AAR2: variants seen among roughly 807,000 people sequenced by gnomAD.
The protein encoded by AAR2 is protein AAR2 homolog.
Under a neutral mutation model 26.9 loss-of-function variants are expected in AAR2, and 31 were observed. The ratio of observed to expected loss-of-function variants is 1.15; its 90% confidence interval spans 0.86 to 1.55. The LOEUF is 1.55. AAR2 is among the 40% of genes most tolerant of loss of function. AAR2 has a pLI of 0.00. For synonymous variants in AAR2, 188 were observed against 196.1 expected (o/e 0.96, Z 0.34); for missense variants, 430 against 491.3 (o/e 0.88, Z 1.18).
intron 3 of AAR2, among the ~76,000 whole-genome samples, chr20:36,253,936 G>T (rs2064799817): frequency 6.6e-6 from 1 of 152,202 alleles, no homozygotes; most frequent in Non-Finnish European, 1.5e-5. Flanking sequence ...AACACACAGA[G>T]AAAATAACAG....
intron 3 of AAR2, 101 bp downstream of exon 3, chr20:36,245,027 T>A: frequency 9.6e-7 from 1 of 1,046,948 alleles, no homozygotes; most frequent in South Asian, 1.5e-5. Flanking sequence ...CCAAAATTTT[T>A]AAATTTCAGT....
intron 3 of AAR2, among the ~76,000 whole-genome samples, chr20:36,255,059 C>T (rs2064808325): frequency 6.6e-6 from 1 of 152,146 alleles, no homozygotes; most frequent in Non-Finnish European, 1.5e-5. Flanking sequence ...GAATGTAAGT[C>T]AGGGTCCATC....
chr20:36,246,612 G>A (rs192155015), intron 3 of AAR2, among the ~76,000 whole-genome samples: 1 of 152,332 alleles, frequency 6.6e-6, no homozygotes, highest in African/African-American at 2.4e-5. Context: ...GCACGTTGAT[G>A]CGTCGCACAG....
At chr20:36,241,345 G>A (rs1040219109) in intron 2 of AAR2, among the ~76,000 whole-genome samples, 1 of 152,202 alleles carries the variant, frequency 6.6e-6, no homozygotes, top group African/African-American at 2.4e-5. Context: ...AAACAGGATT[G>A]AAGTATATTA....
intron 3 of AAR2, among the ~76,000 whole-genome samples, chr20:36,251,791 G>T (rs1197214750): frequency 6.6e-6 from 1 of 152,216 alleles, no homozygotes; most frequent in Non-Finnish European, 1.5e-5. Flanking sequence ...GAAGGTGTCT[G>T]TTTTACCTGC....
In AAR2 at chr20:36,244,744, G is replaced by A. The variant is rs150912491; in HGVS notation, c.805G>A (p.Glu269Lys). ...GTGCTTCCTGCTGGGGAATGTGTAC[G>A]AGGCATTTGAGCATTGGAAGCGGCT... ...FVCFLLGNVY[E>K]AFEHWKRLLN... is the part of the protein sequence containing the mutation. Residue 269 changes from glutamate to lysine, a missense_variant, in exon 3 of 4, where the codon GAG becomes AAG. Coordinates refer to ENST00000320849, the MANE Select transcript of AAR2 (RefSeq NM_001271874.2). The A allele has an allele frequency of 9.3e-5, 150 of 1,614,116 alleles. 1 individual carries two copies. The East Asian group carries it at 2.1e-3, about 22-fold the overall frequency.
chr20:36,255,592 T>C lies in AAR2; in HGVS notation c.1002T>C (p.Ser334=). ...GTTCTCTGTAGGTTTTCTTTTCCTC[T>C]GCCTGCAGCATTGCCGTGGATGCCA... ...LTSTLQVFFS[S]ACSIAVDATL... Residue 334 remains serine, a synonymous_variant, in exon 4 of 4, where the codon TCT becomes TCC. Transcript: ENST00000320849. The C allele has an allele frequency of 6.2e-7, 1 of 1,614,238 alleles. No homozygotes were observed.
intron 3 of AAR2, among the ~76,000 whole-genome samples, chr20:36,254,509 C>A (rs2064804094): frequency 6.7e-6 from 1 of 149,056 alleles, no homozygotes; most frequent in Non-Finnish European, 1.5e-5. Flanking sequence ...TTGCCAGGGC[C>A]TGGAGGGAAG....
chr20:36,239,921 G>T lies in AAR2; in HGVS notation c.53G>T (p.Gly18Val). Reference sequence around the variant, plus strand: ...CTAGCCAAGCGCCTCTTCTTTGAAGGGGCCACTGTGGTCATCCTGAACATG... The same window carrying T: ...CTAGCCAAGCGCCTCTTCTTTGAAGTGGCCACTGTGGTCATCCTGAACATG... ...PELAKRLFFE[G>V]ATVVILNMPK... The change falls in exon 2 of 4, where the codon GGG becomes GTG. Residue 18 changes from glycine (G) to valine (V), a missense_variant. By Grantham distance (109) the Gly-to-Val change is moderately radical. Transcript: ENST00000320849. The T allele has an allele frequency of 6.2e-7, 1 of 1,611,192 alleles. No homozygotes were observed. Among genetic ancestry groups the T allele is most frequent in the Non-Finnish European group, 8.5e-7 (1 of 1,177,624 alleles).
intron 1 of AAR2, among the ~76,000 whole-genome samples, chr20:36,237,013 A>T (rs1482407618): frequency 1.3e-5 from 2 of 152,208 alleles, no homozygotes; most frequent in African/African-American, 4.8e-5. Flanking sequence ...ACCTAGCCCC[A>T]GGGCAAGGAA....
chr20:36,249,179 A>G (rs1036219167), intron 3 of AAR2, among the ~76,000 whole-genome samples: 8 of 152,200 alleles, frequency 5.3e-5, no homozygotes, highest in African/African-American at 1.7e-4. Context: ...TCTCTTAGCC[A>G]TTAATTTTTT....
At chr20:36,242,459 C>T (rs1303369753) in intron 2 of AAR2, among the ~76,000 whole-genome samples, 7 of 151,882 alleles carry the variant, frequency 4.6e-5, no homozygotes, top group Admixed American at 2.6e-4. Flanking sequence ...GGTGTGAGTT[C>T]GGCTCACTGC....
intron 3 of AAR2, among the ~76,000 whole-genome samples, chr20:36,248,212 G>A (rs552147550): frequency 3.9e-5 from 6 of 151,946 alleles, no homozygotes; most frequent in Non-Finnish European, 4.4e-5. Flanking sequence ...TGAACTTGTC[G>A]CTATTATATT....
intron 3 of AAR2, among the ~76,000 whole-genome samples, chr20:36,245,236 A>G (rs960176049): frequency 6.6e-6 from 1 of 152,170 alleles, no homozygotes; most frequent in African/African-American, 2.4e-5. Flanking sequence ...CCCTGTAGCC[A>G]TGAATTGCTA....
chr20:36,252,261 A>T (rs2064785755), intron 3 of AAR2, among the ~76,000 whole-genome samples: 1 of 152,212 alleles, frequency 6.6e-6, no homozygotes, highest in South Asian at 2.1e-4. Context: ...GGTGCTAGGC[A>T]CTGTACAAAA....
At chr20:36,240,807 G>T (rs2064673128) in intron 2 of AAR2, among the ~76,000 whole-genome samples, 182 bp downstream of exon 2, 1 of 152,212 alleles carries the variant, frequency 6.6e-6, no homozygotes, top group African/African-American at 2.4e-5. Flanking sequence ...CTGGAGTGGG[G>T]CTTCCGCAGT....
chr20:36,248,072 T>C (rs1291587535), intron 3 of AAR2, among the ~76,000 whole-genome samples: 2 of 152,174 alleles, frequency 1.3e-5, no homozygotes, highest in African/African-American at 4.8e-5. Context: ...ATTTTCCCTC[T>C]CCCTGGTACA....
At chr20:36,254,011 C>T (rs1029476135) in intron 3 of AAR2, among the ~76,000 whole-genome samples, 4 of 152,286 alleles carry the variant, frequency 2.6e-5, no homozygotes, top group East Asian at 1.9e-4. Context: ...TAAAATGGTA[C>T]GGCCCCTGTG....
Position 36,240,033 on chromosome 20 carries a change from C to T in AAR2, c.165C>T (p.Ile55=), listed in dbSNP as rs1236296675. 1 of 1,614,230 alleles carries T rather than the reference C, an allele frequency of 6.2e-7. No individual in the cohort carries two copies. The highest frequency in any genetic ancestry group is 1.1e-5 in the South Asian group (1 of 91,088). ...FRGVKMIPPG[I]HFLHYSSVDK... ...GCGTGAAGATGATCCCTCCAGGCAT[C>T]CACTTCCTCCACTACAGCTCTGTGG... Residue 55 remains isoleucine (I), a synonymous_variant, in exon 2 of 4, where the codon ATC becomes ATT. Coordinates refer to ENST00000320849, the MANE Select transcript of AAR2 (RefSeq NM_001271874.2).
Sources: gnomAD v4.1 joint callset for allele counts (sites outside exome capture counted in the v4.1 genomes callset) on GRCh38, gnomAD v4.1.1 for gene constraint, MANE v1.5 for transcripts, NCBI Gene and HGNC (gene_info 2026-07-23, HGNC 2026-07-21) for gene names.